The following RPS6KA5 variants were observed in gnomAD, a reference collection of about 807,000 sequenced individuals.
The protein encoded by RPS6KA5 is ribosomal protein S6 kinase alpha-5.
RPS6KA5 carries 27 observed loss-of-function variants against 85.5 expected under a neutral mutation model. The ratio of observed to expected loss-of-function variants is 0.32; its 90% CI spans 0.23 to 0.44. The LOEUF is 0.44. RPS6KA5 is among the 20% of genes least tolerant of loss of function. RPS6KA5 has a pLI of 1.00. For synonymous variants in RPS6KA5, 334 were observed against 348.2 expected (o/e 0.96, Z 0.46); for missense variants, 811 against 980.9 (o/e 0.83, Z 2.31).
At chr14:91,053,466 T>G (rs2043177265) in intron 1 of RPS6KA5, among the ~76,000 whole-genome samples, 1 of 152,168 alleles carries the variant, frequency 6.6e-6, no homozygotes, top group Admixed American at 6.5e-5. Context: ...TCCTAAGGTG[T>G]CCACTAAACT....
In RPS6KA5 at chr14:91,046,453, G is replaced by A. The variant is rs377473326; in HGVS notation, c.103+13879C>T. 2.0e-5 allele frequency among the ~76,000 whole-genome samples: 3 copies of A among 152,144 alleles called. No individual in the cohort carries two copies. In the East Asian group the frequency reaches 5.8e-4, roughly 29 times the overall value. ...GGTAAAAAACATAGGTAAAATCATG[G>A]GAGTGGGCTAGTGCAAATCTACCGC... On this transcript the variant is annotated intron_variant, in intron 1 of 16. Coordinates refer to ENST00000614987, the MANE Select transcript of RPS6KA5 (RefSeq NM_004755.4).
At chr14:91,050,421 CTTG>C (rs1288523414) in intron 1 of RPS6KA5, among the ~76,000 whole-genome samples, 2 of 150,928 alleles carry the variant, frequency 1.3e-5, no homozygotes, top group Non-Finnish European at 2.9e-5. Context: ...ATCTTATTGG[CTTG>C]TTTTTTGTTT....
chr14:90,875,592 C>T (rs1285330082), intron 14 of RPS6KA5, among the ~76,000 whole-genome samples: 2 of 152,012 alleles, frequency 1.3e-5, no homozygotes, highest in Non-Finnish European at 2.9e-5. Context: ...GCTATAAAGA[C>T]ACATGCACAC....
chr14:90,938,536 A>G (rs1458434148), intron 5 of RPS6KA5, among the ~76,000 whole-genome samples: 2 of 152,200 alleles, frequency 1.3e-5, no homozygotes, highest in African/African-American at 4.8e-5. Flanking sequence ...TGAGGGCCCC[A>G]TTCCTGCAGC....
intron 2 of RPS6KA5, among the ~76,000 whole-genome samples, chr14:90,983,857 T>C (rs560638527): frequency 1.1e-4 from 16 of 148,866 alleles, no homozygotes; most frequent in Admixed American, 8.7e-4. Flanking sequence ...TTTTCTTTCT[T>C]TCTTTCTGAC....
At chr14:91,052,565 C>T (rs919909385) in intron 1 of RPS6KA5, 4 of 197,578 alleles carry the variant, frequency 2.0e-5, no homozygotes, top group Non-Finnish European at 4.2e-5. Context: ...TGGCTCAAGC[C>T]TGTAATCCCA....
chr14:90,966,727 G>A (rs1430981562), intron 3 of RPS6KA5, among the ~76,000 whole-genome samples: 9 of 152,164 alleles, frequency 5.9e-5, no homozygotes, highest in Non-Finnish European at 1.5e-5. Context: ...CGAATACAAG[G>A]CACTAATACT....
At chr14:90,966,407 T>C (rs2039064028) in intron 3 of RPS6KA5, among the ~76,000 whole-genome samples, 1 of 152,160 alleles carries the variant, frequency 6.6e-6, no homozygotes, top group Admixed American at 6.5e-5. Context: ...CAGTTACTCA[T>C]AGAATACTAA....
intron 13 of RPS6KA5, 75 bp from the exon 14 acceptor site, chr14:90,890,753 C>T (rs992863057): frequency 1.5e-6 from 2 of 1,322,270 alleles, no homozygotes; most frequent in Admixed American, 1.9e-5. Flanking sequence ...TTATGTAACA[C>T]TTTGTATATT....
chr14:91,055,828 CA>C (rs1250033339), intron 1 of RPS6KA5, among the ~76,000 whole-genome samples: 1 of 152,206 alleles, frequency 6.6e-6, no homozygotes, highest in African/African-American at 2.4e-5. Flanking sequence ...CGCTGTCTCT[CA>C]GATCACTTGT....
intron 2 of RPS6KA5, among the ~76,000 whole-genome samples, chr14:90,983,487 C>T (rs934883850): frequency 1.3e-5 from 2 of 151,594 alleles, no homozygotes; most frequent in Non-Finnish European, 2.9e-5. Flanking sequence ...GTGGTCCCAG[C>T]TACTTAGGAG....
intron 2 of RPS6KA5, among the ~76,000 whole-genome samples, chr14:90,991,698 T>C (rs1321736970): frequency 4.6e-5 from 3 of 64,724 alleles, no homozygotes; most frequent in Non-Finnish European, 6.0e-5. Flanking sequence ...TGAGACTCCA[T>C]CTCAAAAAAA....
At chr14:90,962,650 C>T (rs1413487622) in intron 3 of RPS6KA5, among the ~76,000 whole-genome samples, 1 of 151,466 alleles carries the variant, frequency 6.6e-6, no homozygotes, top group Non-Finnish European at 1.5e-5. Flanking sequence ...GCAGTATGAA[C>T]CCTGGGCGGT....
In RPS6KA5 at chr14:91,036,059, A is replaced by C. The variant is rs556131761; in HGVS notation, c.103+24273T>G. ...AATGAGTTGACAGGACTCAAAAAAG[A>C]AACAGAAAAGAGTACACAGACATTT... On this transcript the variant is annotated intron_variant, in intron 1 of 16. Coordinates refer to ENST00000614987, the MANE Select transcript of RPS6KA5 (RefSeq NM_004755.4). Among the ~76,000 whole-genome samples, 10 of 151,868 alleles carry C rather than the reference A, an allele frequency of 6.6e-5. No individual in the cohort carries two copies. The East Asian group carries it at 1.9e-3, about 29-fold the overall frequency.
In RPS6KA5 at chr14:91,043,481, CTACT is replaced by C; in HGVS notation, c.103+16847_103+16850del. On this transcript the variant is annotated intron_variant, in intron 1 of 16. Transcript: ENST00000614987. Reference sequence around the variant, plus strand: ...TGCTTCAGTTTCACAACCGATTCTTCTACTTACTTCTTGAGTAACCCTGAACAAG... The same window carrying C: ...TGCTTCAGTTTCACAACCGATTCTTCTACTTCTTGAGTAACCCTGAACAAG... 2.0e-5 allele frequency among the ~76,000 whole-genome samples: 3 copies of C among 152,288 alleles called. No individual in the cohort carries two copies. The South Asian group carries it at 6.2e-4, about 32-fold the overall frequency.
At chr14:91,058,766 C>G (rs896687303) in intron 1 of RPS6KA5, among the ~76,000 whole-genome samples, 4 of 152,158 alleles carry the variant, frequency 2.6e-5, no homozygotes, top group Non-Finnish European at 4.4e-5. Flanking sequence ...AAATATGGAA[C>G]AGCTGGCTCA....
chr14:90,893,374 G>T (rs2034664470), intron 13 of RPS6KA5, among the ~76,000 whole-genome samples: 1 of 152,122 alleles, frequency 6.6e-6, no homozygotes. Flanking sequence ...AATGGTAATA[G>T]AAAATACATA....
chr14:90,924,437 G>A (rs2036556050), intron 5 of RPS6KA5, among the ~76,000 whole-genome samples: 1 of 152,148 alleles, frequency 6.6e-6, no homozygotes, highest in African/African-American at 2.4e-5. Context: ...ATTTGACAGG[G>A]GAAGGATGCA....
At position 90,849,225 on chromosome 14, in the gene RPS6KA5, C is replaced by T. The variant is rs1331517249; in HGVS notation, c.*22849G>A. ...GAATTAGCTACTGCTTATCAGGCAA[C>T]TAACAGAGCCGGCAACAGAAAGGTT... is the stretch of plus-strand genomic sequence containing the variant. On this transcript the variant is annotated 3_prime_UTR_variant, in exon 17 of 17. Transcript: ENST00000614987. 6.6e-6 allele frequency: 1 copy of T among 152,210 alleles called. No individual in the cohort carries two copies. The highest frequency in any genetic ancestry group is 6.5e-5 in the Admixed American group (1 of 15,278). The allele number at this position is 152,210 out of a possible 1,614,324, so 9.4% of individuals were successfully genotyped here.
Sources: gnomAD v4.1 joint callset for allele counts (sites outside exome capture counted in the v4.1 genomes callset) on GRCh38, gnomAD v4.1.1 for gene constraint, MANE v1.5 for transcripts, NCBI Gene and HGNC (gene_info 2026-07-23, HGNC 2026-07-21) for gene names.